The following PTPN13 variants were observed in gnomAD, a reference collection of about 807,000 sequenced individuals.
PTPN13 encodes the protein tyrosine-protein phosphatase non-receptor type 13.
In PTPN13, 191 loss-of-function variants were observed where a neutral mutation model predicts 284.0. That is an observed-to-expected ratio of 0.67 (90% CI 0.60 to 0.76). PTPN13 has a LOEUF of 0.76. PTPN13 is among the 30% of genes least tolerant of loss of function. PTPN13 has a pLI of 0.00. For missense variants in PTPN13, 2,797 were observed against 2,939.9 expected (o/e 0.95, Z 1.12); for synonymous variants, 986 against 1,022.3 (o/e 0.96, Z 0.68).
chr4:86,703,182 T>A (rs532096852), intron 7 of PTPN13, among the ~76,000 whole-genome samples: 1 of 152,218 alleles, frequency 6.6e-6, no homozygotes, highest in South Asian at 2.1e-4. Flanking sequence ...TTAGCCAACT[T>A]TATGAGATGG....
intron 3 of PTPN13, among the ~76,000 whole-genome samples, chr4:86,685,460 T>A (rs749067543): frequency 6.6e-6 from 1 of 152,082 alleles, no homozygotes. Context: ...ATTTTAAAAG[T>A]TAGCCAGGAG....
At chr4:86,733,437 G>C (rs1735157924) in intron 12 of PTPN13, among the ~76,000 whole-genome samples, 1 of 151,878 alleles carries the variant, frequency 6.6e-6, no homozygotes, top group African/African-American at 2.4e-5. Flanking sequence ...GGAAAGTTTA[G>C]GCAACAAAGT....
At position 86,747,151 on chromosome 4, in the gene PTPN13, G is replaced by A. The variant is rs75960556; in HGVS notation, c.2650+2023G>A. Among the ~76,000 whole-genome samples, 448 of 152,348 alleles carry A rather than the reference G, an allele frequency of 2.9e-3. 8 individuals are homozygous for A. In the East Asian group the frequency reaches 0.053, roughly 18 times the overall value. ...GAAGACAAAAGTTTGAAGTTAGTCT[G>A]TCATCCTCAACATTTCTTATACTGA... On this transcript the variant is annotated intron_variant, in intron 17 of 47. Transcript: ENST00000411767.
chr4:86,735,354 A>G (rs1218930590), intron 14 of PTPN13, among the ~76,000 whole-genome samples: 3 of 152,194 alleles, frequency 2.0e-5, no homozygotes, highest in Non-Finnish European at 4.4e-5. Context: ...ATCCTAAACT[A>G]GAGTGATATG....
In PTPN13 at chr4:86,758,640, G is replaced by A. The variant is rs375842258; in HGVS notation, c.3314-38G>A. The A allele has an allele frequency of 6.5e-6, 10 of 1,527,336 alleles. No individual in the cohort carries two copies. In the African/African-American group the frequency reaches 1.4e-4, roughly 21 times the overall value. The allele number at this position is 1,527,336 out of a possible 1,614,324, so 94.6% of individuals were successfully genotyped here. ...GGCTAATCATTAGTCTTTGAAAGCA[G>A]CAATATGAAAATCTTTTTAAAATGT... On this transcript the variant is annotated intron_variant, in intron 21 of 47. Transcript: ENST00000411767.
chr4:86,709,489 A>G lies in PTPN13; in HGVS notation c.1196-7041A>G, dbSNP rs188904096. 3.8e-3 allele frequency among the ~76,000 whole-genome samples: 576 copies of G among 152,302 alleles called. 3 individuals are homozygous for G. The highest frequency in any genetic ancestry group is 6.8e-3 in the Non-Finnish European group (460 of 68,022). On this transcript the variant is annotated intron_variant, in intron 7 of 47. Transcript: ENST00000411767. ...GCTATTAAAGAATTTTAATATATGC[A>G]GTGGTGCTATTTCAGATAATGGGTT... is the stretch of plus-strand genomic sequence containing the variant.
At chr4:86,600,348 C>T (rs1447880926) in intron 1 of PTPN13, among the ~76,000 whole-genome samples, 1 of 150,434 alleles carries the variant, frequency 6.6e-6, no homozygotes, top group Non-Finnish European at 1.5e-5. Flanking sequence ...GTTTAGTATG[C>T]TCTGAGTAGA....
rs748490555 is a variant in PTPN13 at position 86,764,603 on chromosome 4, C to T, written c.4028C>T (p.Ser1343Phe). ...DHQTPKQESS[S>F]SVNTSNKMNF... Reference sequence around the variant, plus strand: ...TTTTTCTTTGTTAAGGAATCTTCCTCTTCAGTGAATACATCCAACAAGATG... The same window carrying T: ...TTTTTCTTTGTTAAGGAATCTTCCTTTTCAGTGAATACATCCAACAAGATG... Residue 1343 changes from serine (S) to phenylalanine (F), a missense_variant, in exon 25 of 48, where the codon TCT becomes TTT. Physicochemically the swap from Ser to Phe is radical, Grantham distance 155. Transcript: ENST00000411767. 9.3e-6 allele frequency: 14 copies of T among 1,502,902 alleles called. No homozygotes were observed. The highest frequency in any genetic ancestry group is 1.2e-5 in the Non-Finnish European group (14 of 1,123,988). The allele number at this position is 1,502,902 out of a possible 1,614,324, so 93.1% of individuals were successfully genotyped here. A position where few individuals can be genotyped will look rare whatever the true frequency, so the allele number is the denominator to read the frequency against.
At chr4:86,753,393 G>A (rs1239091643) in intron 20 of PTPN13, among the ~76,000 whole-genome samples, 1 of 151,998 alleles carries the variant, frequency 6.6e-6, no homozygotes, top group East Asian at 1.9e-4. Context: ...TAGAGGGAAA[G>A]GAGGATTCAT....
intron 5 of PTPN13, among the ~76,000 whole-genome samples, chr4:86,692,631 T>TTA (rs1730149506): frequency 6.6e-6 from 1 of 152,152 alleles, no homozygotes; most frequent in Non-Finnish European, 1.5e-5. Context: ...TTTTTATCCC[T>TTA]TATAGTGTGG....
chr4:86,735,534 G>A, intron 14 of PTPN13, 60 bp from the exon 15 acceptor site: 1 of 1,560,392 alleles, frequency 6.4e-7, no homozygotes, highest in Non-Finnish European at 8.7e-7. Flanking sequence ...AAGATAGAAG[G>A]AAAAGGGTTT....
At position 86,770,093 on chromosome 4, in the gene PTPN13, A is replaced by G; in HGVS notation, c.4705-8A>G. ...TGTACCTTCATTTGTCATTCATGGT[A>G]CCCCCAGGAAGTCATATCTGCTCTC... On this transcript the variant is annotated splice_region_variant and splice_polypyrimidine_tract_variant and intron_variant, in intron 29 of 47. Transcript: ENST00000411767. The G allele has an allele frequency of 2.5e-6, 4 of 1,612,760 alleles. No homozygotes were observed. Among genetic ancestry groups the G allele is most frequent in the Non-Finnish European group, 3.4e-6 (4 of 1,179,020 alleles).
intron 3 of PTPN13, among the ~76,000 whole-genome samples, chr4:86,685,413 A>G (rs1578412122): frequency 6.6e-6 from 1 of 152,296 alleles, no homozygotes; most frequent in Non-Finnish European, 1.5e-5. Flanking sequence ...GTTCGAGAAC[A>G]GCCTTGACAA....
chr4:86,764,882 TTGTGTTAGTCACTTTTTCC>T lies in PTPN13; in HGVS notation c.4149+163_4149+181del. 3 of 873,140 alleles carry T rather than the reference TTGTGTTAGTCACTTTTTCC, an allele frequency of 3.4e-6. No individual in the cohort carries two copies. The South Asian group carries it at 7.5e-5, about 22-fold the overall frequency. The allele number at this position is 873,140 out of a possible 1,614,324, so 54.1% of individuals were successfully genotyped here. A position where few individuals can be genotyped will look rare whatever the true frequency, so the allele number is the denominator to read the frequency against. On this transcript the variant is annotated intron_variant, in intron 25 of 47. Transcript: ENST00000411767. Reference sequence around the variant, plus strand: ...TCATATCTAAAAACTATTTTAAAAATTGTGTTAGTCACTTTTTCCTGTGATTTTAAAAAAATTAGACAAA... The same window carrying T: ...TCATATCTAAAAACTATTTTAAAAATTGTGATTTTAAAAAAATTAGACAAA...
chr4:86,595,263 G>A lies in PTPN13; in HGVS notation c.-6+474G>A, dbSNP rs1033162214. On this transcript the variant is annotated intron_variant, in intron 1 of 47. Transcript: ENST00000411767. Reference sequence around the variant, plus strand: ...GAATGTGTGTGTAAGGGCTCGAGAAGGGGGTGGGATGGCGGGGAAGCAGAG... The same window carrying A: ...GAATGTGTGTGTAAGGGCTCGAGAAAGGGGTGGGATGGCGGGGAAGCAGAG... Among the ~76,000 whole-genome samples the A allele has an allele frequency of 4.6e-5, 7 of 152,160 alleles. No homozygotes were observed. In the South Asian group the frequency reaches 1.5e-3, roughly 32 times the overall value.
intron 1 of PTPN13, among the ~76,000 whole-genome samples, chr4:86,627,932 T>C (rs766057789): frequency 2.0e-5 from 3 of 152,164 alleles, no homozygotes; most frequent in Non-Finnish European, 2.9e-5. Flanking sequence ...TGTGAGGATA[T>C]ACTAAGATTT....
intron 6 of PTPN13, 88 bp from the exon 7 acceptor site, chr4:86,701,153 G>T: frequency 1.0e-6 from 1 of 998,818 alleles, no homozygotes; most frequent in Non-Finnish European, 1.4e-6. Context: ...TTAGGAAATT[G>T]CCACCACTTT....
In PTPN13 at chr4:86,767,937, A is replaced by T; in HGVS notation, c.4450A>T (p.Lys1484Ter). 1 of 1,611,534 alleles carries T rather than the reference A, an allele frequency of 6.2e-7. No individual in the cohort carries two copies. Among genetic ancestry groups the T allele is most frequent in the South Asian group, 1.1e-5 (1 of 90,352 alleles). The stretch of plus-strand genomic sequence containing the variant: ...AGGTCAAGGCCCAGAAAAAGTGAAG[A>T]AAACAACTCAGGTCAAAGACTACAG... ...AQGQGPEKVK[K>*]TTQVKDYSFV... Residue 1484 changes from lysine (K) to a stop codon, truncating the protein, a stop_gained, in exon 28 of 48, where the codon AAA becomes TAA. Transcript: ENST00000411767. LOFTEE classifies it high-confidence loss of function.
At chr4:86,739,184 G>C (rs186350999) in intron 15 of PTPN13, among the ~76,000 whole-genome samples, 1 of 152,032 alleles carries the variant, frequency 6.6e-6, no homozygotes, top group Non-Finnish European at 1.5e-5. Flanking sequence ...GTGAAGTAAG[G>C]GTTGAAATTC....
Sources: gnomAD v4.1 joint callset for allele counts (sites outside exome capture counted in the v4.1 genomes callset) on GRCh38, gnomAD v4.1.1 for gene constraint, MANE v1.5 for transcripts, NCBI Gene and HGNC (gene_info 2026-07-23, HGNC 2026-07-21) for gene names.